The following TENM1 variants were observed in gnomAD, a reference collection of about 807,000 sequenced individuals.
TENM1 encodes the protein teneurin transmembrane protein 1.
TENM1 carries 35 observed loss-of-function variants against 174.8 expected under a neutral mutation model. The observed-to-expected ratio is 0.20, with a 90% CI of 0.15 to 0.27. The LOEUF (loss-of-function observed/expected upper bound fraction) is 0.27. TENM1 is among the 10% of genes least tolerant of loss of function. The pLI is 1.00. For synonymous variants in TENM1, 781 were observed against 798.7 expected (o/e 0.98, Z 0.37); for missense variants, 1,633 against 2,130.1 (o/e 0.77, Z 4.59).
chrX:125,117,639 G>A, the TENM1 span, among the ~76,000 whole-genome samples: 16 of 110,537 alleles, frequency 1.4e-4, no homozygotes, highest in Admixed American at 8.7e-4. Context: ...ACCATGGCAC[G>A]TGTATACCTA....
At chrX:124,769,594 C>T (rs1210442235) in intron 3 of TENM1, among the ~76,000 whole-genome samples, 2 of 111,894 alleles carry the variant, frequency 1.8e-5, no homozygotes, top group East Asian at 5.6e-4. Context: ...TATCAAAATA[C>T]TGATTAGCAA....
the TENM1 span, among the ~76,000 whole-genome samples, chrX:125,189,569 C>G: frequency 8.9e-6 from 1 of 111,986 alleles, no homozygotes; most frequent in Non-Finnish European, 1.9e-5. Context: ...AAGAGATCAT[C>G]TAGCCCAGAC....
the TENM1 span, among the ~76,000 whole-genome samples, chrX:125,182,702 G>C: frequency 9.0e-6 from 1 of 111,610 alleles, no homozygotes; most frequent in Non-Finnish European, 1.9e-5. Flanking sequence ...TAAGGACTAT[G>C]TTCCATATTA....
intron 27 of TENM1, among the ~76,000 whole-genome samples, chrX:124,395,736 A>G (rs747300198): frequency 1.8e-5 from 2 of 112,025 alleles, no homozygotes; most frequent in South Asian, 7.5e-4. Context: ...CCTATAGGAA[A>G]CCAGGTGTTC....
At chrX:125,188,776 G>A in the TENM1 span, among the ~76,000 whole-genome samples, 1 of 111,909 alleles carries the variant, frequency 8.9e-6, no homozygotes, top group Non-Finnish European at 1.9e-5. Flanking sequence ...GGCTGAAGTG[G>A]TGCTCTTGAT....
the TENM1 span, among the ~76,000 whole-genome samples, chrX:125,143,564 TAGC>T: frequency 8.6e-3 from 956 of 111,576 alleles, 21 homozygotes; most frequent in African/African-American, 0.029. Flanking sequence ...ATCACCAAAA[TAGC>T]AGCTAGCATA....
intron 23 of TENM1, among the ~76,000 whole-genome samples, chrX:124,451,870 T>G (rs1208634967): frequency 8.9e-6 from 1 of 111,872 alleles, no homozygotes; most frequent in African/African-American, 3.3e-5. Flanking sequence ...CAAAAATTAA[T>G]TCAAGATGGA....
At chrX:124,638,264 A>G (rs939086386) in intron 11 of TENM1, among the ~76,000 whole-genome samples, 5 of 111,188 alleles carry the variant, frequency 4.5e-5, no homozygotes, top group Non-Finnish European at 9.4e-5. Flanking sequence ...GGACTAGTGC[A>G]TGTCTTTGTG....
At chrX:124,424,579 C>G (rs1224260153) in intron 23 of TENM1, among the ~76,000 whole-genome samples, 1 of 111,354 alleles carries the variant, frequency 9.0e-6, no homozygotes, top group Non-Finnish European at 1.9e-5. Context: ...GGGTATTTAT[C>G]TTTCTGTGCC....
At chrX:124,529,454 C>A (rs2048058036) in intron 16 of TENM1, among the ~76,000 whole-genome samples, 1 of 111,634 alleles carries the variant, frequency 9.0e-6, no homozygotes, top group African/African-American at 3.3e-5. Flanking sequence ...TTTAAAGCTT[C>A]TCCATTAATG....
intron 17 of TENM1, among the ~76,000 whole-genome samples, chrX:124,521,119 A>G (rs1373531292): frequency 9.0e-6 from 1 of 111,605 alleles, no homozygotes; most frequent in East Asian, 2.8e-4. Context: ...ATACCGCTGA[A>G]TGTCAAGCAA....
chrX:125,148,657 C>G, the TENM1 span, among the ~76,000 whole-genome samples: 1 of 111,617 alleles, frequency 9.0e-6, no homozygotes, highest in East Asian at 2.8e-4. Context: ...ACAACAAACA[C>G]TTCCAACATC....
rs367958202 is a variant in TENM1, at chrX:124,879,688, T to C, written c.535+14608A>G. Among the ~76,000 whole-genome samples the C allele has an allele frequency of 3.7e-4, 42 of 112,167 alleles. No individual in the cohort carries two copies. The East Asian group carries it at 0.011, about 29-fold the overall frequency. On this transcript the variant is annotated intron_variant, in intron 3 of 31. Coordinates refer to ENST00000422452, the Ensembl canonical transcript of TENM1. Reference sequence around the variant, plus strand: ...GTTCTATTTTTAGTTTGTTGAGAAATCTCCATATTGCTTTCAATAGTGGTT... The same window carrying C: ...GTTCTATTTTTAGTTTGTTGAGAAACCTCCATATTGCTTTCAATAGTGGTT...
At chrX:124,595,816 T>G (rs2049878075) in intron 11 of TENM1, among the ~76,000 whole-genome samples, 1 of 111,806 alleles carries the variant, frequency 8.9e-6, no homozygotes, top group Non-Finnish European at 1.9e-5. Context: ...TGATGACCCT[T>G]TTAGAATTAT....
intron 11 of TENM1, among the ~76,000 whole-genome samples, chrX:124,623,296 T>C (rs1485291142): frequency 9.0e-6 from 1 of 111,008 alleles, no homozygotes; most frequent in Non-Finnish European, 1.9e-5. Context: ...TCTGAGTATA[T>C]GTGAATGTGA....
At chrX:124,605,379 C>T (rs751846375) in intron 11 of TENM1, among the ~76,000 whole-genome samples, 1 of 108,446 alleles carries the variant, frequency 9.2e-6, no homozygotes, top group South Asian at 4.1e-4. Context: ...TTGGTCTATT[C>T]CTCCAAATAA....
the TENM1 span, among the ~76,000 whole-genome samples, chrX:125,140,926 A>G: frequency 0.024 from 2,716 of 111,674 alleles, 67 homozygotes; most frequent in African/African-American, 0.084. Flanking sequence ...AAGTCCTGCT[A>G]CCCACAGGGC....
At chrX:125,191,296 T>A in the TENM1 span, among the ~76,000 whole-genome samples, 1 of 112,112 alleles carries the variant, frequency 8.9e-6, no homozygotes, top group Non-Finnish European at 1.9e-5. Flanking sequence ...CCAATATTTA[T>A]TAATCACCTA....
intron 1 of TENM1, among the ~76,000 whole-genome samples, chrX:124,923,709 A>G (rs1279603235): frequency 8.9e-6 from 1 of 112,339 alleles, no homozygotes; most frequent in Non-Finnish European, 1.9e-5. Context: ...TAGACGAGTG[A>G]GGCAGAAGTA....
Sources: allele counts gnomAD v4.1 joint callset (sites outside exome capture counted in the v4.1 genomes callset), GRCh38; gene constraint gnomAD v4.1.1; transcripts MANE v1.5; gene names NCBI Gene and HGNC (gene_info 2026-07-23, HGNC 2026-07-21).